The following WWP2 variants were observed in gnomAD, a reference collection of about 807,000 sequenced individuals.
WWP2 encodes WW domain containing E3 ubiquitin protein ligase 2.
A neutral mutation model predicts 121.0 loss-of-function variants in WWP2; 57 were observed. That is an observed-to-expected ratio of 0.47 (90% CI 0.38 to 0.59). WWP2 has a LOEUF of 0.59. Among genes scored for constraint, WWP2 ranks in the 20% least tolerant of loss-of-function variants. The pLI, the probability that WWP2 is intolerant of heterozygous loss-of-function variation, is 0.00. For synonymous variants in WWP2, 449 were observed against 441.3 expected, an observed-to-expected ratio of 1.02 and a Z score of -0.22; for missense variants, 962 against 1,158.9, an observed-to-expected ratio of 0.83 and a Z score of 2.47.
At chr16:69,934,638 A>G (rs2058768057) in intron 17 of WWP2, among the ~76,000 whole-genome samples, 1 of 151,790 alleles carries the variant, frequency 6.6e-6, no homozygotes, top group Non-Finnish European at 1.5e-5. Flanking sequence ...TCCCACTGAG[A>G]CACTAAGCCT....
intron 7 of WWP2, among the ~76,000 whole-genome samples, chr16:69,881,112 G>A (rs2057820765): frequency 6.6e-6 from 1 of 152,112 alleles, no homozygotes; most frequent in Admixed American, 6.6e-5. Context: ...GAAAGCAGAG[G>A]CCATGCAACT....
rs763786417 is a variant in WWP2, at chr16:69,798,678, C to T, written c.71-4C>T. The T allele has an allele frequency of 1.9e-6, 3 of 1,613,054 alleles. No homozygotes were observed. The highest frequency in any genetic ancestry group is 2.2e-5 in the South Asian group (2 of 90,990). On this transcript the variant is annotated splice_polypyrimidine_tract_variant and splice_region_variant and intron_variant, in intron 2 of 23. Coordinates refer to ENST00000359154, the MANE Select transcript of WWP2 (RefSeq NM_001270454.2). ...CTTTGACTTTTTCTTTCTTTCTCTC[C>T]CAGTGGTGTCCGCAAAGCCCAAGGT... is the stretch of plus-strand genomic sequence containing the variant.
At chr16:69,889,135 G>A (rs550935673) in intron 8 of WWP2, among the ~76,000 whole-genome samples, 1 of 151,224 alleles carries the variant, frequency 6.6e-6, no homozygotes, top group Non-Finnish European at 1.5e-5. Flanking sequence ...GCAATATAGT[G>A]ATATCCTGCC....
At chr16:69,929,050 T>C (rs968204718) in intron 11 of WWP2, among the ~76,000 whole-genome samples, 3 of 152,038 alleles carry the variant, frequency 2.0e-5, no homozygotes, top group African/African-American at 4.8e-5. Context: ...GGACCAGGGA[T>C]CAGCTGTGAG....
At chr16:69,897,295 G>T (rs1178220114) in intron 8 of WWP2, among the ~76,000 whole-genome samples, 1 of 152,006 alleles carries the variant, frequency 6.6e-6, no homozygotes, top group Non-Finnish European at 1.5e-5. Flanking sequence ...TAGAGATGGG[G>T]TTTTGCCGTG....
intron 9 of WWP2, among the ~76,000 whole-genome samples, chr16:69,915,753 G>T (rs1318491970): frequency 1.3e-5 from 2 of 152,058 alleles, no homozygotes; most frequent in East Asian, 1.9e-4. Flanking sequence ...ATGACTTCGG[G>T]CCGGGTGCAG....
At chr16:69,906,174 G>A (rs780174348) in intron 8 of WWP2, among the ~76,000 whole-genome samples, 84 of 151,750 alleles carry the variant, frequency 5.5e-4, no homozygotes, top group Admixed American at 2.0e-3. Flanking sequence ...CCGGGTTCAC[G>A]CCATTCTCCT....
At chr16:69,812,050 C>A (rs1262007047) in intron 4 of WWP2, among the ~76,000 whole-genome samples, 1 of 151,988 alleles carries the variant, frequency 6.6e-6, no homozygotes, top group Non-Finnish European at 1.5e-5. Context: ...GGACCTCATG[C>A]AAGATGCAGT....
At chr16:69,903,082 C>T (rs779807765) in intron 8 of WWP2, among the ~76,000 whole-genome samples, 2 of 152,132 alleles carry the variant, frequency 1.3e-5, no homozygotes, top group East Asian at 1.9e-4. Flanking sequence ...CTATTCTTCT[C>T]GCTAAGCCAG....
Position 69,934,036 on chromosome 16 carries a change from A to C in WWP2, c.1749A>C (p.Gly583=). 1.9e-6 allele frequency: 3 copies of C among 1,614,132 alleles called. No individual in the cohort carries two copies. Among genetic ancestry groups the C allele is most frequent in the Middle Eastern group, 1.7e-4 (1 of 6,060 alleles). Residue 583 remains glycine, a synonymous_variant, in exon 17 of 24, where the codon GGA becomes GGC. Transcript: ENST00000359154. The stretch of plus-strand genomic sequence containing the variant: ...TGTATTGTTTATTTGAATATGCCGG[A>C]AAGAACAATTACTGCCTGCAGATCA... ...NPMYCLFEYA[G]KNNYCLQINP...
chr16:69,791,489 A>G (rs550575242), intron 2 of WWP2, among the ~76,000 whole-genome samples: 1 of 152,268 alleles, frequency 6.6e-6, no homozygotes, highest in African/African-American at 2.4e-5. Flanking sequence ...CGGCCTGCCA[A>G]AGTGCTGGGA....
chr16:69,852,084 G>A (rs2057226225), intron 6 of WWP2, among the ~76,000 whole-genome samples: 1 of 152,152 alleles, frequency 6.6e-6, no homozygotes, highest in South Asian at 2.1e-4. Flanking sequence ...GCTTAGTTTT[G>A]TAAGAAACTG....
chr16:69,778,165 TATAA>T (rs1213861772), intron 1 of WWP2, among the ~76,000 whole-genome samples: 18 of 126,400 alleles, frequency 1.4e-4, no homozygotes, highest in South Asian at 7.9e-4. Flanking sequence ...ACACTCATAC[TATAA>T]ATAAATATAT....
rs1348239432 is a variant in WWP2, at chr16:69,827,757, C to CT, written c.341-12369_341-12368insT. On this transcript the variant is annotated intron_variant, in intron 4 of 23. Coordinates refer to ENST00000359154, the MANE Select transcript of WWP2 (RefSeq NM_001270454.2). ...CTGTTGGAGCCAGGCAGGGCCTGGG[C>CT]AGGGGATTAATGGTGTGGCAGGGAC... 4 of 386,940 alleles carry CT rather than the reference C, an allele frequency of 1.0e-5. No individual in the cohort carries two copies. The Admixed American group carries it at 1.3e-4, about 12-fold the overall frequency. The allele number at this position is 386,940 out of a possible 1,614,324, so 24.0% of individuals were successfully genotyped here.
At position 69,939,849 on chromosome 16, in the gene WWP2, G is replaced by A. The variant is rs1380761859; in HGVS notation, c.2522G>A (p.Arg841His). The change falls in exon 24 of 24, where the codon CGT becomes CAT. Residue 841 changes from arginine (R) to histidine (H), a missense_variant. Around this residue, in one of 3 missense-constraint regions of WWP2, gnomAD observed 606 missense variants for 772.6 expected, o/e 0.78. Transcript: ENST00000359154. ...WLPRSHTCFN[R>H]LDLPPYKSYE... ...TTCCCCACTCTCAATAGCTTCAACCGTCTGGATCTTCCACCCTACAAGAGC... is the reference window on the plus strand; with the variant it reads ...TTCCCCACTCTCAATAGCTTCAACCATCTGGATCTTCCACCCTACAAGAGC... 4.3e-6 allele frequency: 7 copies of A among 1,613,582 alleles called. No individual in the cohort carries two copies. The East Asian group carries it at 6.7e-5, about 15-fold the overall frequency.
chr16:69,883,309 T>G (rs1330177936), intron 7 of WWP2, among the ~76,000 whole-genome samples: 1 of 152,094 alleles, frequency 6.6e-6, no homozygotes, highest in African/African-American at 2.4e-5. Flanking sequence ...CAGTAATGTA[T>G]TGTTAGAACT....
chr16:69,884,122 C>T (rs374138481), intron 7 of WWP2, among the ~76,000 whole-genome samples: 1 of 152,234 alleles, frequency 6.6e-6, no homozygotes, highest in East Asian at 1.9e-4. Context: ...AATATACAAG[C>T]GTATGTATAT....
At chr16:69,927,352 C>T (rs1355531884) in intron 11 of WWP2, among the ~76,000 whole-genome samples, 1 of 152,194 alleles carries the variant, frequency 6.6e-6, no homozygotes, top group African/African-American at 2.4e-5. Context: ...AGGAGAGACC[C>T]CGCATCTTCC....
At chr16:69,770,505 C>T (rs765564042) in intron 1 of WWP2, among the ~76,000 whole-genome samples, 57 of 152,278 alleles carry the variant, frequency 3.7e-4, no homozygotes, top group Non-Finnish European at 6.5e-4. Context: ...CGCCCTACGT[C>T]TCTTCATTTG....
Sources: allele counts gnomAD v4.1 joint callset (sites outside exome capture counted in the v4.1 genomes callset), GRCh38; gene constraint gnomAD v4.1.1; regional missense constraint gnomAD v4.1.1; transcripts MANE v1.5; gene names NCBI Gene and HGNC (gene_info 2026-07-23, HGNC 2026-07-21).